The following KLHL1 variants were observed in gnomAD, a reference collection of about 807,000 sequenced individuals.
The protein encoded by KLHL1 is kelch-like protein 1.
Under a neutral mutation model 77.7 loss-of-function variants are expected in KLHL1, and 47 were observed. The ratio of observed to expected loss-of-function variants is 0.60; its 90% confidence interval spans 0.48 to 0.77. The LOEUF (loss-of-function observed/expected upper bound fraction) is 0.77, where lower values mean the gene tolerates loss of function less well. Among genes scored for constraint, KLHL1 ranks in the 30% least tolerant of loss-of-function variants. The pLI is 0.00. For synonymous variants in KLHL1, 360 were observed against 325.2 expected, an observed-to-expected ratio of 1.11 and a Z score of -1.15; for missense variants, 925 against 910.8, an observed-to-expected ratio of 1.02 and a Z score of -0.20.
At chr13:69,939,991 C>T (rs1883316762) in intron 4 of KLHL1, 49 bp downstream of exon 4, 2 of 1,400,656 alleles carry the variant, frequency 1.4e-6, no homozygotes, top group African/African-American at 1.5e-5. Context: ...ATTTTTACCT[C>T]TGATAACACA....
chr13:70,001,547 T>C (rs1411455063), intron 1 of KLHL1, among the ~76,000 whole-genome samples: 2 of 150,722 alleles, frequency 1.3e-5, no homozygotes, highest in African/African-American at 2.4e-5. Context: ...TGCAAGAACA[T>C]TTAAACATTG....
intron 5 of KLHL1, among the ~76,000 whole-genome samples, chr13:69,877,880 A>G (rs1413686791): frequency 1.3e-5 from 2 of 152,110 alleles, no homozygotes; most frequent in Admixed American, 6.6e-5. Flanking sequence ...TAATGTGCTA[A>G]TTTATAATTA....
At chr13:69,728,937 A>T (rs570408987) in intron 8 of KLHL1, among the ~76,000 whole-genome samples, 5 of 152,266 alleles carry the variant, frequency 3.3e-5, no homozygotes, top group African/African-American at 1.2e-4. Context: ...CTACATATTT[A>T]TTAAAATTCA....
At chr13:69,728,983 ATC>A (rs1178652141) in intron 8 of KLHL1, among the ~76,000 whole-genome samples, 1 of 152,132 alleles carries the variant, frequency 6.6e-6, no homozygotes, top group Non-Finnish European at 1.5e-5. Context: ...CAGAATCAGT[ATC>A]TGTTTGTGAG....
chr13:69,991,664 T>A (rs190108920), intron 1 of KLHL1, among the ~76,000 whole-genome samples: 1 of 146,834 alleles, frequency 6.8e-6, no homozygotes, highest in Non-Finnish European at 1.5e-5. Flanking sequence ...CAGTAATAAA[T>A]AGCCTATCAA....
At position 69,707,739 on chromosome 13, in the gene KLHL1, A is replaced by G; in HGVS notation, c.2073T>C (p.Asp691=). 1 of 1,612,930 alleles carries G rather than the reference A, an allele frequency of 6.2e-7. No individual in the cohort carries two copies. ...TMVAPLSMPR[D]AVGVCLLGDR... Reference sequence around the variant, plus strand: ...CACCAAGGAGACAGACCCCAACAGCATCTCTGGGCATACTCAAAGGAGCCA... The same window carrying G: ...CACCAAGGAGACAGACCCCAACAGCGTCTCTGGGCATACTCAAAGGAGCCA... Residue 691 remains aspartate, a synonymous_variant, in exon 10 of 11, where the codon GAT becomes GAC. Transcript: ENST00000377844.
intron 1 of KLHL1, among the ~76,000 whole-genome samples, chr13:70,084,253 A>T (rs945889797): frequency 3.9e-5 from 6 of 152,116 alleles, no homozygotes; most frequent in African/African-American, 1.2e-4. Flanking sequence ...CCAATTTCAG[A>T]ACTGTGCCTA....
chr13:70,060,833 T>C (rs974429103), intron 1 of KLHL1, among the ~76,000 whole-genome samples: 1 of 133,996 alleles, frequency 7.5e-6, no homozygotes, highest in African/African-American at 3.0e-5. Flanking sequence ...GCAACAAGAG[T>C]GAAACTTCGT....
intron 5 of KLHL1, among the ~76,000 whole-genome samples, chr13:69,845,253 T>C (rs1879413912): frequency 2.8e-5 from 1 of 35,476 alleles, no homozygotes; most frequent in African/African-American, 4.5e-5. Context: ...GGAATAGGTA[T>C]AATAAAGTCT....
chr13:69,916,024 T>C (rs1882420149), intron 4 of KLHL1, among the ~76,000 whole-genome samples: 1 of 152,046 alleles, frequency 6.6e-6, no homozygotes, highest in Non-Finnish European at 1.5e-5. Flanking sequence ...GAGATGCAAA[T>C]CAAAACCACA....
At chr13:69,714,561 C>T (rs749190146) in intron 9 of KLHL1, among the ~76,000 whole-genome samples, 8 of 151,638 alleles carry the variant, frequency 5.3e-5, no homozygotes, top group Non-Finnish European at 8.8e-5. Context: ...CACTATAAAT[C>T]CAAATTATTT....
intron 8 of KLHL1, among the ~76,000 whole-genome samples, chr13:69,726,730 A>G (rs1873313584): frequency 6.6e-6 from 1 of 152,172 alleles, no homozygotes; most frequent in East Asian, 1.9e-4. Context: ...TCACCAACCC[A>G]AAACTGTCAG....
At chr13:69,999,742 C>G (rs1308433937) in intron 1 of KLHL1, among the ~76,000 whole-genome samples, 1 of 151,948 alleles carries the variant, frequency 6.6e-6, no homozygotes, top group African/African-American at 2.4e-5. Context: ...CTTGGCTCAC[C>G]CTAGCAGGTA....
At chr13:70,102,463 C>T (rs561823009) in intron 1 of KLHL1, among the ~76,000 whole-genome samples, 1 of 152,202 alleles carries the variant, frequency 6.6e-6, no homozygotes, top group East Asian at 1.9e-4. Flanking sequence ...CCATCACTGT[C>T]AATTTAAGAA....
At chr13:69,824,955 A>G (rs114533308) in intron 6 of KLHL1, among the ~76,000 whole-genome samples, 2,203 of 152,248 alleles carry the variant, frequency 0.014, 52 homozygotes, top group African/African-American at 0.049. Context: ...TATGTATCCA[A>G]ATGTGTTTAG....
intron 4 of KLHL1, among the ~76,000 whole-genome samples, chr13:69,934,789 T>C (rs1180801157): frequency 1.3e-5 from 2 of 151,674 alleles, no homozygotes; most frequent in Admixed American, 6.6e-5. Context: ...GGCAATCCAT[T>C]TTCTTCTGTT....
rs141737239 is a variant in KLHL1, at chr13:69,722,981, T to C, written c.1803-3400A>G. 2.6e-5 allele frequency among the ~76,000 whole-genome samples: 4 copies of C among 152,184 alleles called. No homozygotes were observed. The East Asian group carries it at 7.8e-4, about 30-fold the overall frequency. On this transcript the variant is annotated intron_variant, in intron 8 of 10. Transcript: ENST00000377844. Reference sequence around the variant, plus strand: ...CTCCATTTGTTGGAACACAATGGAATACTATTCAGCCATAAAAACAATAAA... The same window carrying C: ...CTCCATTTGTTGGAACACAATGGAACACTATTCAGCCATAAAAACAATAAA...
intron 5 of KLHL1, among the ~76,000 whole-genome samples, chr13:69,861,533 G>A (rs1005891206): frequency 6.6e-6 from 1 of 151,550 alleles, no homozygotes; most frequent in Admixed American, 6.6e-5. Context: ...TATATCCAAC[G>A]TCTTATGCAT....
At chr13:70,019,048 T>C (rs1011170589) in intron 1 of KLHL1, among the ~76,000 whole-genome samples, 2 of 152,204 alleles carry the variant, frequency 1.3e-5, no homozygotes, top group African/African-American at 4.8e-5. Context: ...TTAATGTCAA[T>C]TATTTCAACA....
Sources: allele counts gnomAD v4.1 joint callset (sites outside exome capture counted in the v4.1 genomes callset), GRCh38; gene constraint gnomAD v4.1.1; transcripts MANE v1.5; gene names NCBI Gene and HGNC (gene_info 2026-07-23, HGNC 2026-07-21).